The following RGS8 variants were observed in gnomAD, a reference collection of about 807,000 sequenced individuals.
RGS8 encodes regulator of G protein signaling 8.
In RGS8, 8 loss-of-function variants were observed where a neutral mutation model predicts 21.7. That is an observed-to-expected ratio of 0.37 (90% CI 0.22 to 0.66). The LOEUF (loss-of-function observed/expected upper bound fraction) is 0.66. Among genes scored for constraint, RGS8 ranks in the 30% least tolerant of loss-of-function variants. RGS8 has a pLI of 0.59. For missense variants in RGS8, 157 were observed against 217.9 expected (o/e 0.72, Z 1.76); for synonymous variants, 80 against 83.6 (o/e 0.96, Z 0.24).
At chr1:182,752,036 C>T in the RGS8 span, among the ~76,000 whole-genome samples, 1 of 152,186 alleles carries the variant, frequency 6.6e-6, no homozygotes, top group African/African-American at 2.4e-5. Flanking sequence ...CTATCTGACC[C>T]CCAGAGGCAT....
At chr1:182,698,671 G>A in the RGS8 span, among the ~76,000 whole-genome samples, 5 of 152,020 alleles carry the variant, frequency 3.3e-5, no homozygotes, top group Non-Finnish European at 7.4e-5. Context: ...CTTTTTTGTG[G>A]GTGAAAAAAG....
intron 1 of RGS8, among the ~76,000 whole-genome samples, chr1:182,680,712 T>A (rs1413696608): frequency 6.6e-6 from 1 of 152,230 alleles, no homozygotes; most frequent in Non-Finnish European, 1.5e-5. Flanking sequence ...ACATTCCCTA[T>A]GTACATTGCC....
upstream of RGS8, among the ~76,000 whole-genome samples, chr1:182,676,500 G>A (rs933528473): frequency 3.3e-5 from 5 of 152,146 alleles, no homozygotes; most frequent in African/African-American, 7.2e-5. Context: ...CATGGAAACC[G>A]GAAGGACACA....
intron 2 of RGS8, 91 bp from the exon 4 acceptor site, chr1:182,669,843 A>G: frequency 7.4e-7 from 1 of 1,344,930 alleles, no homozygotes; most frequent in Non-Finnish European, 9.8e-7. Context: ...CCAGCGGAAC[A>G]CCTCCCCACA....
At chr1:182,735,411 T>A in the RGS8 span, among the ~76,000 whole-genome samples, 10 of 152,294 alleles carry the variant, frequency 6.6e-5, no homozygotes, top group African/African-American at 2.4e-4. Flanking sequence ...TTAACTTTTG[T>A]GGTAGAATGC....
intron 1 of RGS8, among the ~76,000 whole-genome samples, chr1:182,681,855 C>T (rs1664545942): frequency 6.6e-6 from 1 of 152,224 alleles, no homozygotes; most frequent in South Asian, 2.1e-4. Context: ...AGCCACTCAG[C>T]TTTTCTGAGA....
the RGS8 span, among the ~76,000 whole-genome samples, chr1:182,718,028 C>T: frequency 4.7e-4 from 71 of 152,270 alleles, no homozygotes; most frequent in African/African-American, 1.4e-3. Context: ...CTGTTGTCCA[C>T]GTAGCTGGAA....
At chr1:182,733,474 A>G in the RGS8 span, among the ~76,000 whole-genome samples, 1 of 152,196 alleles carries the variant, frequency 6.6e-6, no homozygotes, top group East Asian at 1.9e-4. Flanking sequence ...AGTGGGACAA[A>G]TAAAGCCTGC....
upstream of RGS8, among the ~76,000 whole-genome samples, chr1:182,687,880 G>A (rs556239434): frequency 6.6e-6 from 1 of 152,288 alleles, no homozygotes; most frequent in Non-Finnish European, 1.5e-5. Flanking sequence ...GTTTAAGAAG[G>A]CAGAAACATT....
the RGS8 span, among the ~76,000 whole-genome samples, chr1:182,716,346 G>A: frequency 2.6e-5 from 4 of 151,906 alleles, no homozygotes; most frequent in Admixed American, 2.6e-4. Context: ...GGCTGGTCTT[G>A]AACTCCTGAG....
At chr1:182,677,200 C>A (rs1397398036), upstream of RGS8, among the ~76,000 whole-genome samples, 1 of 152,208 alleles carries the variant, frequency 6.6e-6, no homozygotes, top group Non-Finnish European at 1.5e-5. Context: ...GAACTGTGGG[C>A]AAGCTACTCG....
At chr1:182,726,614 G>A in the RGS8 span, among the ~76,000 whole-genome samples, 1 of 151,654 alleles carries the variant, frequency 6.6e-6, no homozygotes. Context: ...AGGTTGTGGT[G>A]AGCCAAGATC....
chr1:182,741,927 C>T, the RGS8 span, among the ~76,000 whole-genome samples: 964 of 130,912 alleles, frequency 7.4e-3, 4 homozygotes, highest in Non-Finnish European at 9.1e-3. Flanking sequence ...CGGGCGGAGA[C>T]GCTCCTCACT....
intron 3 of RGS8, 145 bp from the exon 5 acceptor site, chr1:182,667,118 G>C: frequency 1.5e-6 from 1 of 655,620 alleles, no homozygotes; most frequent in Non-Finnish European, 2.7e-6. Context: ...TCATGAACAG[G>C]AAGAGACCAC....
chr1:182,646,988 A>G (rs1662733567), intron 6 of RGS8, 71 bp from the exon 8 acceptor site: 3 of 1,296,420 alleles, frequency 2.3e-6, no homozygotes, highest in African/African-American at 1.5e-5. Context: ...GGCCCTAACT[A>G]TGCAATAATT....
At chr1:182,714,528 T>C in the RGS8 span, 1 of 152,248 alleles carries the variant, frequency 6.6e-6, no homozygotes, top group Non-Finnish European at 1.5e-5. Flanking sequence ...TTAAACCGTA[T>C]GGTCCTGGAA....
intron 1 of RGS8, among the ~76,000 whole-genome samples, chr1:182,682,606 G>A (rs138167606): frequency 7.0e-4 from 107 of 152,276 alleles, no homozygotes; most frequent in Non-Finnish European, 1.2e-3. Flanking sequence ...TCCTTTGAAA[G>A]TGAGCCAGAC....
intron 4 of RGS8, among the ~76,000 whole-genome samples, chr1:182,666,570 A>G (rs1041720617): frequency 9.2e-5 from 14 of 152,058 alleles, no homozygotes; most frequent in African/African-American, 3.4e-4. Context: ...CCAAATTGAG[A>G]GCTCAGATTG....
At chr1:182,724,826 G>A in the RGS8 span, among the ~76,000 whole-genome samples, 3 of 152,190 alleles carry the variant, frequency 2.0e-5, no homozygotes, top group Non-Finnish European at 4.4e-5. Context: ...CCAAAGTGCT[G>A]GGATTACAGG....
Sources: allele counts gnomAD v4.1 joint callset (sites outside exome capture counted in the v4.1 genomes callset), GRCh38; gene constraint gnomAD v4.1.1; transcripts MANE v1.5; gene names NCBI Gene and HGNC (gene_info 2026-07-23, HGNC 2026-07-21).